BICD2: variants seen among roughly 807,000 people sequenced by gnomAD.
BICD2 encodes BICD cargo adaptor 2.
BICD2 carries 25 observed loss-of-function variants against 72.9 expected under a neutral mutation model. The observed-to-expected ratio is 0.34, with a 90% CI of 0.25 to 0.48. BICD2 has a LOEUF of 0.48. BICD2 is among the 20% of genes least tolerant of loss of function. The pLI, the probability that BICD2 is intolerant of heterozygous loss-of-function variation, is 0.99. For missense variants in BICD2, 894 were observed against 1,175.2 expected, an observed-to-expected ratio of 0.76 and a Z score of 3.50; for synonymous variants, 501 against 516.1, an observed-to-expected ratio of 0.97 and a Z score of 0.40.
chr9:92,717,674 AGC>A, intron 6 of BICD2, 121 bp downstream of exon 6: 2 of 1,293,106 alleles, frequency 1.5e-6, no homozygotes, highest in South Asian at 3.1e-5. Context: ...AGCTGGGCAC[AGC>A]CACTGACTAG....
chr9:92,742,499 C>T (rs997677958), intron 1 of BICD2, among the ~76,000 whole-genome samples: 6 of 152,048 alleles, frequency 3.9e-5, no homozygotes, highest in Non-Finnish European at 8.8e-5. Context: ...ATTCTCCTGC[C>T]TCGGCCTCCC....
At position 92,719,449 on chromosome 9, in the gene BICD2, C is replaced by A; in HGVS notation, c.1196G>T (p.Arg399Leu). 6.2e-7 allele frequency: 1 copy of A among 1,614,132 alleles called. No homozygotes were observed. Among genetic ancestry groups the A allele is most frequent in the East Asian group, 2.2e-5 (1 of 44,882 alleles). Residue 399 changes from arginine (R) to leucine (L), a missense_variant, in exon 5 of 7, where the codon CGC becomes CTC. Physicochemically the swap from Arg to Leu is moderately radical, Grantham distance 102. Transcript: ENST00000356884. ...RLTENLSALR[R>L]LQASKERQTA... ...CTGCCGCTCCTTGCTGGCCTGCAGG[C>A]GCCGCAGGGCACTCAGATTCTCTGT...
rs1222767180 is a variant in BICD2, at chr9:92,713,188, C to A, written c.*1966G>T. On this transcript the variant is annotated 3_prime_UTR_variant, in exon 7 of 7. Transcript: ENST00000356884. The stretch of plus-strand genomic sequence containing the variant: ...GTGGGCGTTTCCAGTGGGCTCCTGG[C>A]GAGCCTGGCAGCCAGGGAAGAAGGG... 6.5e-6 allele frequency: 3 copies of A among 462,560 alleles called. No individual in the cohort carries two copies. Among genetic ancestry groups the A allele is most frequent in the Non-Finnish European group, 1.2e-5 (3 of 259,610 alleles). 28.7% of individuals were successfully genotyped at this position (462,560 alleles called of 1,614,324 possible). A position where few individuals can be genotyped will look rare whatever the true frequency, so the allele number is the denominator to read the frequency against.
intron 1 of BICD2, among the ~76,000 whole-genome samples, chr9:92,748,317 G>T (rs953838026): frequency 6.6e-5 from 10 of 152,156 alleles, no homozygotes; most frequent in African/African-American, 2.2e-4. Context: ...TGCACAGCAG[G>T]GAGGATTCAA....
chr9:92,745,102 C>T (rs1400443656), intron 1 of BICD2, among the ~76,000 whole-genome samples: 1 of 152,206 alleles, frequency 6.6e-6, no homozygotes, highest in East Asian at 1.9e-4. Flanking sequence ...GATATAAGAA[C>T]ACAGGGTCAG....
At chr9:92,727,595 G>A (rs1288411195) in intron 2 of BICD2, among the ~76,000 whole-genome samples, 1 of 152,226 alleles carries the variant, frequency 6.6e-6, no homozygotes, top group East Asian at 1.9e-4. Flanking sequence ...CGGCCAGGAG[G>A]ACTGCAGCTC....
At chr9:92,723,785 G>A (rs910648736) in intron 2 of BICD2, among the ~76,000 whole-genome samples, 16 of 152,232 alleles carry the variant, frequency 1.1e-4, no homozygotes, top group Non-Finnish European at 1.9e-4. Flanking sequence ...AGAGGCTAGT[G>A]CAGGGTTGGG....
At position 92,715,415 on chromosome 9, in the gene BICD2, C is replaced by T. The variant is rs573705109; in HGVS notation, c.2307G>A (p.Ala769=). 1.4e-5 allele frequency: 22 copies of T among 1,604,428 alleles called. No individual in the cohort carries two copies. In the East Asian group the frequency reaches 3.4e-4, roughly 25 times the overall value. ...TQLDEMQRQL[A]AAEDEKKTLN... is the part of the protein sequence containing the mutation. The stretch of plus-strand genomic sequence containing the variant: ...GCGTCTTCTTCTCGTCCTCAGCAGC[C>T]GCCAGCTGCCGCTGCATCTCATCCA... The change falls in exon 7 of 7, where the codon GCG becomes GCA. Residue 769 remains alanine (A), a synonymous_variant. Coordinates refer to ENST00000356884, the MANE Select transcript of BICD2 (RefSeq NM_001003800.2).
chr9:92,743,993 G>T (rs1454478333), intron 1 of BICD2, among the ~76,000 whole-genome samples: 1 of 152,194 alleles, frequency 6.6e-6, no homozygotes, highest in Non-Finnish European at 1.5e-5. Flanking sequence ...AAGTGCCCGT[G>T]GTGAGGATGG....
At position 92,764,062 on chromosome 9, in the gene BICD2, C is replaced by A. The variant is rs1854429439; in HGVS notation, c.240+443G>T. 6.6e-6 allele frequency among the ~76,000 whole-genome samples: 1 copy of A among 152,240 alleles called. No individual in the cohort carries two copies. Among genetic ancestry groups the A allele is most frequent in the Non-Finnish European group, 1.5e-5 (1 of 68,040 alleles). ...GCTTTCTCTGAAGGTGACAGAGCCGCAGCCACCCAGACCCAGGCCCACCCT... is the reference window on the plus strand; with the variant it reads ...GCTTTCTCTGAAGGTGACAGAGCCGAAGCCACCCAGACCCAGGCCCACCCT... On this transcript the variant is annotated intron_variant, in intron 1 of 6. Transcript: ENST00000356884. This position sits in a 1 kb window ranked among gnomAD's most constrained non-coding sequence, Gnocchi z 5.5.
At chr9:92,737,177 C>T (rs1461292046) in intron 1 of BICD2, among the ~76,000 whole-genome samples, 1 of 152,184 alleles carries the variant, frequency 6.6e-6, no homozygotes, top group East Asian at 1.9e-4. Flanking sequence ...CACAATGTGC[C>T]TCGATTTCCT....
In BICD2 at chr9:92,722,734, A is replaced by C; in HGVS notation, c.528T>G (p.Arg176=). The change falls in exon 3 of 7, where the codon CGT becomes CGG. Residue 176 remains arginine (R), a synonymous_variant. Transcript: ENST00000356884. ...CCAGTTCCGAGTAGTCCTGCAGCAG[A>C]CGAGCTTCCCGGAATTTGTACTCCT... The part of the protein sequence containing the change: ...DIKEYKFREA[R]LLQDYSELEE... 1 of 1,614,214 alleles carries C rather than the reference A, an allele frequency of 6.2e-7. No individual in the cohort carries two copies. The highest frequency in any genetic ancestry group is 8.5e-7 in the Non-Finnish European group (1 of 1,180,034).
At chr9:92,727,336 G>A (rs1300740601) in intron 2 of BICD2, among the ~76,000 whole-genome samples, 2 of 152,186 alleles carry the variant, frequency 1.3e-5, no homozygotes, top group Non-Finnish European at 2.9e-5. Flanking sequence ...GTGCTCCTGT[G>A]TCAGGAACAA....
chr9:92,719,353 C>A lies in BICD2; in HGVS notation c.1292G>T (p.Gly431Val), dbSNP rs1853407324. The A allele has an allele frequency of 6.2e-7, 1 of 1,614,068 alleles. No individual in the cohort carries two copies. The highest frequency in any genetic ancestry group is 8.5e-7 in the Non-Finnish European group (1 of 1,180,036). ...DGDYYEVDIN[G>V]PEILACKYHV... ...GTACTTGCAGGCCAAGATCTCAGGCCCGTTGATGTCCACCTCGTAGTAGTC... is the reference window on the plus strand; with the variant it reads ...GTACTTGCAGGCCAAGATCTCAGGCACGTTGATGTCCACCTCGTAGTAGTC... Residue 431 changes from glycine (G) to valine (V), a missense_variant, in exon 5 of 7, where the codon GGG becomes GTG. Physicochemically the swap from Gly to Val is moderately radical, Grantham distance 109. Coordinates refer to ENST00000356884, the MANE Select transcript of BICD2 (RefSeq NM_001003800.2).
chr9:92,733,890 C>T (rs911332066), intron 1 of BICD2, among the ~76,000 whole-genome samples: 1 of 152,074 alleles, frequency 6.6e-6, no homozygotes, highest in African/African-American at 2.4e-5. Context: ...TGGCGTGAAC[C>T]CGGGAGGCGG....
Position 92,720,603 on chromosome 9 carries a change from C to T in BICD2, c.759G>A (p.Gln253=), listed in dbSNP as rs761087136. 6.2e-6 allele frequency: 10 copies of T among 1,614,198 alleles called. No individual in the cohort carries two copies. The highest frequency in any genetic ancestry group is 8.5e-6 in the Non-Finnish European group (10 of 1,180,048). Residue 253 remains glutamine (Q), a synonymous_variant, in exon 4 of 7, where the codon CAG becomes CAA. Coordinates refer to ENST00000356884, the MANE Select transcript of BICD2 (RefSeq NM_001003800.2). This position sits in a 1 kb window ranked among gnomAD's most constrained non-coding sequence, Gnocchi z 5.4. ...ACAGCTCCTTGCGCAGGCTGTTCTT[C>T]TGTTCGCGCTCCGTCTTCAGGGTCT... The part of the protein sequence containing the change: ...ALETLKTERE[Q]KNSLRKELSH...
rs1413350672 is a variant in BICD2 at position 92,764,307 on chromosome 9, G to A, written c.240+198C>T. 2.0e-5 allele frequency among the ~76,000 whole-genome samples: 3 copies of A among 152,148 alleles called. No homozygotes were observed. The highest frequency in any genetic ancestry group is 6.5e-5 in the Admixed American group (1 of 15,290). ...GCGCCCGGACCCCTGCATTAGCGGC[G>A]TCTGCAACGGCCGCGGCACCGGCCT... is the stretch of plus-strand genomic sequence containing the variant. On this transcript the variant is annotated intron_variant, in intron 1 of 6. Transcript: ENST00000356884. The surrounding 1 kb of genome is among the most constrained non-coding windows in gnomAD (Gnocchi z 5.5).
At chr9:92,758,420 C>A (rs10992450) in intron 1 of BICD2, among the ~76,000 whole-genome samples, 1 of 146,146 alleles carries the variant, frequency 6.8e-6, no homozygotes, top group African/African-American at 2.5e-5. Flanking sequence ...GGTGTGGTGG[C>A]GCGCACCTGT....
chr9:92,753,591 T>C (rs1564072482), intron 1 of BICD2, among the ~76,000 whole-genome samples: 1 of 151,998 alleles, frequency 6.6e-6, no homozygotes, highest in Non-Finnish European at 1.5e-5. Flanking sequence ...CAGGCTGGAG[T>C]GCAGTGGCGC....
Sources: gnomAD v4.1 joint callset for allele counts (sites outside exome capture counted in the v4.1 genomes callset) on GRCh38, gnomAD v4.1.1 for gene constraint, Gnocchi (gnomAD v3.1) non-coding constraint, MANE v1.5 for transcripts, NCBI Gene and HGNC (gene_info 2026-07-23, HGNC 2026-07-21) for gene names.